VWC2: variants seen among roughly 807,000 people sequenced by gnomAD.
VWC2 encodes the protein von Willebrand factor C domain containing 2.
Under a neutral mutation model 29.8 loss-of-function variants are expected in VWC2, and 14 were observed. The observed-to-expected ratio is 0.47, with a 90% CI of 0.31 to 0.74. The LOEUF is 0.74. VWC2 is among the 30% of genes least tolerant of loss of function. VWC2 has a pLI of 0.05. For synonymous variants in VWC2, 213 were observed against 199.0 expected (o/e 1.07, Z -0.59); for missense variants, 457 against 459.8 (o/e 0.99, Z 0.05).
intron 3 of VWC2, among the ~76,000 whole-genome samples, chr7:49,896,485 G>GAAAAAGCA (rs1380087652): frequency 6.6e-6 from 1 of 151,882 alleles, no homozygotes; most frequent in African/African-American, 2.4e-5. Flanking sequence ...GAAGAAACTT[G>GAAAAAGCA]AAAAAGCAAA....
chr7:49,824,802 A>T lies in VWC2; in HGVS notation c.826+21962A>T, dbSNP rs574575921. 3.3e-4 allele frequency among the ~76,000 whole-genome samples: 51 copies of T among 152,280 alleles called. 1 individual carries two copies. The highest frequency in any genetic ancestry group is 1.5e-4 in the Non-Finnish European group (10 of 67,998). On this transcript the variant is annotated intron_variant, in intron 3 of 3. Coordinates refer to ENST00000340652, the MANE Select transcript of VWC2 (RefSeq NM_198570.5). Reference sequence around the variant, plus strand: ...TTCTTAATATTGAATGGAAATGTTTAAATTTAATTTCAATTTCCAGTTGTT... The same window carrying T: ...TTCTTAATATTGAATGGAAATGTTTTAATTTAATTTCAATTTCCAGTTGTT...
chr7:49,836,658 AAATAAATAAATAAAT>A (rs1480892842), intron 3 of VWC2, among the ~76,000 whole-genome samples: 5 of 150,754 alleles, frequency 3.3e-5, no homozygotes, highest in African/African-American at 1.2e-4. Flanking sequence ...ATAAATAAAT[AAATAAATAAATAAAT>A]AAATAAATAC....
chr7:49,797,519 CTG>C (rs754091280), intron 2 of VWC2, among the ~76,000 whole-genome samples: 142 of 152,180 alleles, frequency 9.3e-4, no homozygotes, highest in Non-Finnish European at 7.2e-4. Flanking sequence ...ACTGTGGTAA[CTG>C]TGAAAGCAAT....
intron 2 of VWC2, among the ~76,000 whole-genome samples, chr7:49,793,936 C>G (rs958614681): frequency 3.9e-5 from 6 of 152,178 alleles, no homozygotes; most frequent in Admixed American, 3.3e-4. Context: ...CAACTCAGAG[C>G]CCACCTGTAG....
At chr7:49,882,214 T>G (rs1168670311) in intron 3 of VWC2, among the ~76,000 whole-genome samples, 1 of 152,168 alleles carries the variant, frequency 6.6e-6, no homozygotes, top group African/African-American at 2.4e-5. Flanking sequence ...GAAGTAACAC[T>G]TTTTTGTTTA....
At position 49,867,407 on chromosome 7, in the gene VWC2, G is replaced by A. The variant is rs1329648241; in HGVS notation, c.827-44627G>A. ...CACAGAGAGGACAGATCTGGAGGACGAAGTAAGGGAAGGAGTACAGGTCAA... is the reference window on the plus strand; with the variant it reads ...CACAGAGAGGACAGATCTGGAGGACAAAGTAAGGGAAGGAGTACAGGTCAA... On this transcript the variant is annotated intron_variant, in intron 3 of 3. Transcript: ENST00000340652. Among the ~76,000 whole-genome samples, 3 of 152,188 alleles carry A rather than the reference G, an allele frequency of 2.0e-5. 1 individual carries two copies. The highest frequency in any genetic ancestry group is 7.2e-5 in the African/African-American group (3 of 41,442).
chr7:49,871,922 C>T (rs1791170087), intron 3 of VWC2, among the ~76,000 whole-genome samples: 1 of 105,754 alleles, frequency 9.5e-6, no homozygotes, highest in Non-Finnish European at 1.8e-5. Context: ...CACACACACA[C>T]ACACACACAC....
intron 3 of VWC2, among the ~76,000 whole-genome samples, chr7:49,830,531 T>C (rs1330369590): frequency 2.6e-5 from 4 of 152,204 alleles, no homozygotes; most frequent in Admixed American, 2.6e-4. Context: ...TTTTTATTAT[T>C]ATTATACTTT....
intron 3 of VWC2, among the ~76,000 whole-genome samples, chr7:49,909,750 A>G (rs1166660656): frequency 6.6e-6 from 1 of 152,158 alleles, no homozygotes; most frequent in African/African-American, 2.4e-5. Context: ...GGGTTCTCTG[A>G]AAGAGAAAGA....
Position 49,919,790 on chromosome 7 carries a change from TTGCTCCCACC to T in VWC2, c.*7611_*7620del, listed in dbSNP as rs1345904431. 6.6e-6 allele frequency: 1 copy of T among 152,314 alleles called. No homozygotes were observed. The highest frequency in any genetic ancestry group is 1.5e-5 in the Non-Finnish European group (1 of 68,036). 9.4% of individuals were successfully genotyped at this position (152,314 alleles called of 1,614,324 possible). ...AGCTGCCACCGGCCAGGTCTATCTA[TTGCTCCCACC>T]TGCTCTGACTGTTTTCTCTCAAGAA... is the stretch of plus-strand genomic sequence containing the variant. On this transcript the variant is annotated 3_prime_UTR_variant, in exon 4 of 4. Transcript: ENST00000340652.
At chr7:49,799,550 G>GTA (rs1360137155) in intron 2 of VWC2, among the ~76,000 whole-genome samples, 2 of 152,260 alleles carry the variant, frequency 1.3e-5, no homozygotes, top group African/African-American at 4.8e-5. Flanking sequence ...TAGGAGCCCA[G>GTA]CATGGGTGCT....
intron 3 of VWC2, among the ~76,000 whole-genome samples, chr7:49,901,544 G>GA (rs894972775): frequency 3.3e-5 from 5 of 151,606 alleles, no homozygotes; most frequent in Admixed American, 1.3e-4. Context: ...AATTATGATA[G>GA]AAAAAATCAT....
chr7:49,794,713 T>C (rs1468137118), intron 2 of VWC2, among the ~76,000 whole-genome samples: 2 of 152,212 alleles, frequency 1.3e-5, no homozygotes, highest in Non-Finnish European at 2.9e-5. Context: ...CTTCCCTCTC[T>C]ACCTGCCCAG....
rs1280700432 is a variant in VWC2, at chr7:49,912,202, A to G, written c.*17A>G. On this transcript the variant is annotated 3_prime_UTR_variant, in exon 4 of 4. Coordinates refer to ENST00000340652, the MANE Select transcript of VWC2 (RefSeq NM_198570.5). ...CAAATGTAGACGCTTCCCAGAACAC[A>G]AACTCTGACTTTTTCTAGAACATTT... 1.2e-6 allele frequency: 2 copies of G among 1,612,888 alleles called. No homozygotes were observed. The highest frequency in any genetic ancestry group is 1.3e-5 in the African/African-American group (1 of 74,844).
intron 3 of VWC2, among the ~76,000 whole-genome samples, chr7:49,903,195 T>C (rs1792872511): frequency 6.6e-6 from 1 of 152,222 alleles, no homozygotes; most frequent in Non-Finnish European, 1.5e-5. Flanking sequence ...TTTGTCAGTT[T>C]CTTATAAAAC....
At chr7:49,902,922 A>G (rs143475268) in intron 3 of VWC2, among the ~76,000 whole-genome samples, 4 of 152,310 alleles carry the variant, frequency 2.6e-5, no homozygotes, top group African/African-American at 9.6e-5. Flanking sequence ...ATTAAACAAT[A>G]AAAACACCAA....
intron 3 of VWC2, among the ~76,000 whole-genome samples, chr7:49,845,151 C>A (rs532486523): frequency 6.6e-6 from 1 of 152,030 alleles, no homozygotes; most frequent in Non-Finnish European, 1.5e-5. Flanking sequence ...GAAGGGAGAG[C>A]ATCAGGAAGA....
At chr7:49,785,451 A>G (rs1322799610) in intron 2 of VWC2, among the ~76,000 whole-genome samples, 2 of 152,226 alleles carry the variant, frequency 1.3e-5, no homozygotes, top group Admixed American at 6.5e-5. Flanking sequence ...ATTGTAGAGT[A>G]TGGGAGAAAT....
chr7:49,835,180 A>G (rs768614523), intron 3 of VWC2, among the ~76,000 whole-genome samples: 1 of 152,218 alleles, frequency 6.6e-6, no homozygotes, highest in African/African-American at 2.4e-5. Context: ...GGTAGAGGAC[A>G]TAGTGTCCAG....
Sources: gnomAD v4.1 joint callset for allele counts (sites outside exome capture counted in the v4.1 genomes callset) on GRCh38, gnomAD v4.1.1 for gene constraint, MANE v1.5 for transcripts, NCBI Gene and HGNC (gene_info 2026-07-23, HGNC 2026-07-21) for gene names.